The following GPM6A variants were observed in gnomAD, a reference collection of about 807,000 sequenced individuals.
GPM6A encodes glycoprotein M6A, also known as neuronal membrane glycoprotein M6-a.
In GPM6A, 7 loss-of-function variants were observed where a neutral mutation model predicts 32.1. The observed-to-expected ratio is 0.22, with a 90% CI of 0.12 to 0.41. GPM6A has a LOEUF of 0.41. GPM6A is among the 10% of genes least tolerant of loss of function. GPM6A has a pLI of 1.00. For synonymous variants in GPM6A, 130 were observed against 123.4 expected (o/e 1.05, Z -0.35); for missense variants, 235 against 347.2 (o/e 0.68, Z 2.57).
At chr4:175,936,958 G>A (rs1045354926) in intron 1 of GPM6A, among the ~76,000 whole-genome samples, 1 of 152,054 alleles carries the variant, frequency 6.6e-6, no homozygotes, top group Non-Finnish European at 1.5e-5. Flanking sequence ...TGACTATTGT[G>A]GAGTTTAGAG....
chr4:175,995,245 GA>G (rs1412047811), intron 1 of GPM6A, among the ~76,000 whole-genome samples: 35 of 152,010 alleles, frequency 2.3e-4, no homozygotes, highest in African/African-American at 8.5e-4. Context: ...ATTCTTTCCA[GA>G]AGGTTTTCAA....
In GPM6A at chr4:175,928,770, T is replaced by C. The variant is rs1472701540; in HGVS notation, c.-23+73539A>G. ...GTAGAATATAAACAGATGTTGAATC[T>C]TTATTCATCACATTTTGCTCTACTT... On this transcript the variant is annotated intron_variant, in intron 1 of 7. Coordinates refer to the GPM6A transcript ENST00000280187. Among the ~76,000 whole-genome samples, 5 of 152,370 alleles carry C rather than the reference T, an allele frequency of 3.3e-5. No individual in the cohort carries two copies. The East Asian group carries it at 5.8e-4, about 18-fold the overall frequency.
At chr4:175,849,228 G>A (rs1381027226) in intron 1 of GPM6A, among the ~76,000 whole-genome samples, 3 of 152,148 alleles carry the variant, frequency 2.0e-5, no homozygotes, top group African/African-American at 7.2e-5. Context: ...CAATATCCAT[G>A]TACTTCCCAA....
At chr4:175,661,305 G>T (rs1339607447) in intron 3 of GPM6A, among the ~76,000 whole-genome samples, 3 of 151,852 alleles carry the variant, frequency 2.0e-5, no homozygotes, top group Non-Finnish European at 4.4e-5. Context: ...GTGGTGGCAG[G>T]GCTCCTGTAA....
At chr4:175,695,765 T>C (rs1158665284) in intron 2 of GPM6A, among the ~76,000 whole-genome samples, 1 of 152,130 alleles carries the variant, frequency 6.6e-6, no homozygotes, top group Non-Finnish European at 1.5e-5. Flanking sequence ...ATAATTGTAT[T>C]TGGCAACTTG....
intron 1 of GPM6A, among the ~76,000 whole-genome samples, chr4:175,739,387 G>C (rs1288408240): frequency 6.6e-6 from 1 of 152,048 alleles, no homozygotes; most frequent in Non-Finnish European, 1.5e-5. Context: ...CATGAGATCT[G>C]CCATATTTTC....
intron 1 of GPM6A, among the ~76,000 whole-genome samples, chr4:175,847,215 G>A (rs899251791): frequency 7.2e-5 from 11 of 152,210 alleles, no homozygotes; most frequent in African/African-American, 2.4e-4. Context: ...TAGAAACAAA[G>A]TTTCTACTTG....
chr4:175,875,002 A>G (rs566165408), intron 1 of GPM6A, among the ~76,000 whole-genome samples: 1 of 152,202 alleles, frequency 6.6e-6, no homozygotes. Flanking sequence ...CAAGAAATCT[A>G]TGTGCCTGCC....
intron 1 of GPM6A, among the ~76,000 whole-genome samples, chr4:175,937,289 A>G (rs747173756): frequency 3.0e-4 from 45 of 152,146 alleles, no homozygotes; most frequent in Non-Finnish European, 6.0e-4. Flanking sequence ...AAAAGGAATC[A>G]ACTCAAATGC....
intron 1 of GPM6A, among the ~76,000 whole-genome samples, chr4:175,768,252 G>A (rs561209576): frequency 6.6e-6 from 1 of 152,134 alleles, no homozygotes; most frequent in Non-Finnish European, 1.5e-5. Context: ...TGTTCCAAGG[G>A]ATTTTTTTAA....
At chr4:175,912,472 T>G (rs903753926) in intron 1 of GPM6A, among the ~76,000 whole-genome samples, 2 of 152,004 alleles carry the variant, frequency 1.3e-5, no homozygotes, top group African/African-American at 4.8e-5. Flanking sequence ...CAGGCCAACG[T>G]GGTGAAACAC....
intron 1 of GPM6A, among the ~76,000 whole-genome samples, chr4:175,891,912 G>A (rs1444318861): frequency 6.6e-6 from 1 of 152,194 alleles, no homozygotes; most frequent in Non-Finnish European, 1.5e-5. Flanking sequence ...AATATTGCAA[G>A]CTGTGATGCT....
At position 175,959,435 on chromosome 4, in the gene GPM6A, C is replaced by T. The variant is rs995131142; in HGVS notation, c.-23+42874G>A. On this transcript the variant is annotated intron_variant, in intron 1 of 7. Transcript: ENST00000280187. Reference sequence around the variant, plus strand: ...CTGAATACACACGTACACACATGCACACACACACACACACACCCCACATAC... The same window carrying T: ...CTGAATACACACGTACACACATGCATACACACACACACACACCCCACATAC... Among the ~76,000 whole-genome samples, 6 of 150,914 alleles carry T rather than the reference C, an allele frequency of 4.0e-5. No individual in the cohort carries two copies. In the South Asian group the frequency reaches 1.3e-3, roughly 32 times the overall value.
At chr4:175,740,461 C>G (rs187206312) in intron 1 of GPM6A, among the ~76,000 whole-genome samples, 1 of 151,834 alleles carries the variant, frequency 6.6e-6, no homozygotes, top group East Asian at 1.9e-4. Flanking sequence ...TGTTAAAGAC[C>G]AGCAAATGTC....
At chr4:175,732,992 CCA>C (rs1731498006) in intron 1 of GPM6A, among the ~76,000 whole-genome samples, 2 of 152,120 alleles carry the variant, frequency 1.3e-5, no homozygotes, top group Admixed American at 1.3e-4. Context: ...AAGCTATAAG[CCA>C]CAACCACCGA....
Position 175,744,384 on chromosome 4 carries a change from T to C in GPM6A, c.38-42617A>G, listed in dbSNP as rs561635712. 2.6e-4 allele frequency among the ~76,000 whole-genome samples: 40 copies of C among 152,106 alleles called. 1 individual carries two copies. The highest frequency in any genetic ancestry group is 9.4e-4 in the African/African-American group (39 of 41,542). ...TGTGTTCCAGGGAAATTCATAGTCA[T>C]AAATGCATAAATTTTAAAATAAGAA... On this transcript the variant is annotated intron_variant, in intron 1 of 6. Coordinates refer to ENST00000393658, the MANE Select transcript of GPM6A (RefSeq NM_201591.3).
At chr4:175,662,508 G>C (rs1384110982) in intron 3 of GPM6A, among the ~76,000 whole-genome samples, 1 of 152,048 alleles carries the variant, frequency 6.6e-6, no homozygotes, top group Non-Finnish European at 1.5e-5. Context: ...GCTGAGGCAG[G>C]AGAATCACTT....
chr4:175,984,312 T>G (rs1455518138), intron 1 of GPM6A, among the ~76,000 whole-genome samples: 2 of 151,890 alleles, frequency 1.3e-5, no homozygotes, highest in Admixed American at 6.6e-5. Context: ...ACAGGTGCGT[T>G]CCACCACGCC....
chr4:175,963,028 T>C (rs1740216108), intron 1 of GPM6A, among the ~76,000 whole-genome samples: 1 of 151,418 alleles, frequency 6.6e-6, no homozygotes, highest in Non-Finnish European at 1.5e-5. Context: ...AAATGAAGTC[T>C]ACCTTTGATA....
Sources: gnomAD v4.1 joint callset for allele counts (sites outside exome capture counted in the v4.1 genomes callset) on GRCh38, gnomAD v4.1.1 for gene constraint, MANE v1.5 for transcripts, NCBI Gene and HGNC (gene_info 2026-07-23, HGNC 2026-07-21) for gene names.